Variants in PRKACB observed in about 807,000 individuals in gnomAD.
The protein encoded by PRKACB is protein kinase cAMP-activated catalytic subunit beta, also known as cAMP-dependent protein kinase catalytic subunit beta.
PRKACB carries 16 observed loss-of-function variants against 51.4 expected under a neutral mutation model. The observed-to-expected ratio is 0.31, with a 90% CI of 0.21 to 0.47. PRKACB has a LOEUF of 0.47. PRKACB is among the 20% of genes least tolerant of loss of function. The pLI is 1.00. For missense variants in PRKACB, 309 were observed against 464.5 expected, an observed-to-expected ratio of 0.67 and a Z score of 3.08; for synonymous variants, 147 against 154.4, an observed-to-expected ratio of 0.95 and a Z score of 0.35.
chr1:84,212,982 T>C (rs560745655), intron 8 of PRKACB, among the ~76,000 whole-genome samples: 2 of 152,290 alleles, frequency 1.3e-5, no homozygotes, highest in African/African-American at 4.8e-5. Context: ...TGAGGTAATG[T>C]AATGATGCAC....
intron 1 of PRKACB, among the ~76,000 whole-genome samples, chr1:84,133,346 T>G (rs1377346079): frequency 6.6e-6 from 1 of 152,082 alleles, no homozygotes; most frequent in Non-Finnish European, 1.5e-5. Context: ...AATACTAAGG[T>G]TATTCATTGC....
upstream of PRKACB, among the ~76,000 whole-genome samples, chr1:84,142,866 G>A (rs1413568069): frequency 1.3e-5 from 2 of 151,932 alleles, no homozygotes; most frequent in Admixed American, 6.6e-5. Context: ...TTACATTATT[G>A]TTCCTATTTA....
intron 1 of PRKACB, among the ~76,000 whole-genome samples, chr1:84,132,383 A>G (rs889094648): frequency 6.6e-6 from 1 of 152,212 alleles, no homozygotes; most frequent in African/African-American, 2.4e-5. Context: ...TATAGCAAAC[A>G]TTAAACACAG....
chr1:84,099,454 T>C (rs965382918), intron 1 of PRKACB, among the ~76,000 whole-genome samples: 1 of 152,086 alleles, frequency 6.6e-6, no homozygotes, highest in African/African-American at 2.4e-5. Flanking sequence ...GTTTGAATGG[T>C]TAAATGAGAA....
intron 1 of PRKACB, among the ~76,000 whole-genome samples, chr1:84,090,326 T>G (rs576636049): frequency 1.3e-5 from 2 of 152,338 alleles, no homozygotes; most frequent in South Asian, 4.1e-4. Context: ...TATTTTAACT[T>G]GACCATCTTA....
chr1:84,171,099 C>T (rs966232822), intron 1 of PRKACB, among the ~76,000 whole-genome samples: 1 of 151,422 alleles, frequency 6.6e-6, no homozygotes, highest in Non-Finnish European at 1.5e-5. Context: ...GAGATTTAAA[C>T]ATTTTAAATA....
intron 7 of PRKACB, among the ~76,000 whole-genome samples, chr1:84,200,236 G>C (rs570564286): frequency 6.6e-6 from 1 of 151,958 alleles, no homozygotes; most frequent in East Asian, 1.9e-4. Flanking sequence ...TCTAATGATC[G>C]GTGATATTGA....
chr1:84,187,880 G>GT (rs1249577844), intron 5 of PRKACB, among the ~76,000 whole-genome samples: 2 of 152,236 alleles, frequency 1.3e-5, no homozygotes, highest in South Asian at 2.1e-4. Flanking sequence ...CTGCCAGGAA[G>GT]TAACAGTTTT....
intron 6 of PRKACB, 69 bp from the exon 7 acceptor site, chr1:84,197,660 C>A: frequency 1.0e-6 from 1 of 1,001,576 alleles, no homozygotes; most frequent in Non-Finnish European, 1.4e-6. Context: ...AAACTTTCAA[C>A]GTAGGTGCAA....
intron 1 of PRKACB, among the ~76,000 whole-genome samples, chr1:84,097,942 A>G (rs907959335): frequency 6.6e-6 from 1 of 152,088 alleles, no homozygotes; most frequent in African/African-American, 2.4e-5. Context: ...TCTTACAGAA[A>G]CATTCTCACA....
chr1:84,200,276 G>A (rs1292916081), intron 7 of PRKACB, among the ~76,000 whole-genome samples: 1 of 152,140 alleles, frequency 6.6e-6, no homozygotes, highest in Non-Finnish European at 1.5e-5. Context: ...TTGGCCGCAT[G>A]TATGTCTTGT....
At position 84,210,482 on chromosome 1, in the gene PRKACB, T is replaced by A. The variant is rs1020885436; in HGVS notation, c.907-3671T>A. 4.6e-5 allele frequency among the ~76,000 whole-genome samples: 7 copies of A among 152,286 alleles called. 1 individual carries two copies. Among genetic ancestry groups the A allele is most frequent in the Admixed American group, 4.6e-4 (7 of 15,282 alleles). Reference sequence around the variant, plus strand: ...TGGACTGGCAGAAAGCTCATAGGTATATGTCAGGAAGATTAGGTTATTTTC... The same window carrying A: ...TGGACTGGCAGAAAGCTCATAGGTAAATGTCAGGAAGATTAGGTTATTTTC... On this transcript the variant is annotated intron_variant, in intron 8 of 9. Coordinates refer to ENST00000370685, the MANE Select transcript of PRKACB (RefSeq NM_182948.4).
chr1:84,156,414 C>A (rs1343783608), intron 1 of PRKACB, among the ~76,000 whole-genome samples: 1 of 152,128 alleles, frequency 6.6e-6, no homozygotes, highest in Non-Finnish European at 1.5e-5. Flanking sequence ...CTTGCGGAGA[C>A]CTCAGTGGTT....
intron 9 of PRKACB, among the ~76,000 whole-genome samples, chr1:84,219,670 G>A (rs1352149024): frequency 6.7e-6 from 1 of 150,336 alleles, no homozygotes; most frequent in Non-Finnish European, 1.5e-5. Context: ...TCTGCATATG[G>A]ATATCCAGTT....
At chr1:84,091,911 A>G (rs1213709295) in intron 1 of PRKACB, among the ~76,000 whole-genome samples, 7 of 152,258 alleles carry the variant, frequency 4.6e-5, no homozygotes, top group African/African-American at 1.4e-4. Flanking sequence ...AAATCTTCAA[A>G]TGTTTTTTCG....
chr1:84,163,984 T>G (rs1001314413), intron 1 of PRKACB, among the ~76,000 whole-genome samples: 1 of 152,040 alleles, frequency 6.6e-6, no homozygotes, highest in Non-Finnish European at 1.5e-5. Flanking sequence ...ATCTTAGTCC[T>G]GTTTCATGTG....
intron 8 of PRKACB, among the ~76,000 whole-genome samples, chr1:84,207,207 G>C (rs939104920): frequency 6.6e-6 from 1 of 152,022 alleles, no homozygotes; most frequent in Non-Finnish European, 1.5e-5. Context: ...TTGCAAAACT[G>C]GCTTCTTATG....
intron 9 of PRKACB, among the ~76,000 whole-genome samples, chr1:84,216,179 A>G (rs1006010259): frequency 9.2e-5 from 14 of 152,064 alleles, no homozygotes; most frequent in Admixed American, 6.6e-5. Flanking sequence ...TCTCTACAAA[A>G]AATACAAAAA....
At position 84,171,494 on chromosome 1, in the gene PRKACB, A is replaced by C. The variant is rs17131071; in HGVS notation, c.188-7683A>C. On this transcript the variant is annotated intron_variant, in intron 1 of 9. Transcript: ENST00000370685. The stretch of plus-strand genomic sequence containing the variant: ...GTTTTAGGAAACCTTCAAAGAACAA[A>C]AACTTCAATCTTGTATGGAATTTTC... Among the ~76,000 whole-genome samples the C allele has an allele frequency of 4.1e-3, 619 of 151,796 alleles. 4 individuals are homozygous for C. Among genetic ancestry groups the C allele is most frequent in the African/African-American group, 0.014 (589 of 41,508 alleles).
Sources: gnomAD v4.1 joint callset for allele counts (sites outside exome capture counted in the v4.1 genomes callset) on GRCh38, gnomAD v4.1.1 for gene constraint, MANE v1.5 for transcripts, NCBI Gene and HGNC (gene_info 2026-07-23, HGNC 2026-07-21) for gene names.